MYBPC1: variants seen among roughly 807,000 people sequenced by gnomAD.
MYBPC1 encodes myosin binding protein C1.
Under a neutral mutation model 147.1 loss-of-function variants are expected in MYBPC1, and 52 were observed. That is an observed-to-expected ratio of 0.35 (90% CI 0.28 to 0.45). The LOEUF is 0.45. Among genes scored for constraint, MYBPC1 ranks in the 20% least tolerant of loss-of-function variants. The pLI is 1.00. For synonymous variants in MYBPC1, 477 were observed against 475.9 expected, an observed-to-expected ratio of 1.00 and a Z score of -0.03; for missense variants, 1,228 against 1,440.3, an observed-to-expected ratio of 0.85 and a Z score of 2.39.
intron 3 of MYBPC1, among the ~76,000 whole-genome samples, chr12:101,620,154 G>A (rs1237893518): frequency 1.3e-5 from 2 of 152,184 alleles, no homozygotes; most frequent in East Asian, 3.9e-4. Flanking sequence ...TGAAACAAGA[G>A]AGATGACAAT....
intron 1 of MYBPC1, among the ~76,000 whole-genome samples, chr12:101,595,368 G>A (rs1474511852): frequency 6.6e-6 from 1 of 152,128 alleles, no homozygotes; most frequent in Non-Finnish European, 1.5e-5. Context: ...AATCCTTAAA[G>A]TGTAATTTAA....
chr12:101,600,532 C>T (rs950479420), intron 1 of MYBPC1: 2 of 152,098 alleles, frequency 1.3e-5, no homozygotes, highest in African/African-American at 2.4e-5. Flanking sequence ...ATACATTCTT[C>T]TTTTCAATTT....
intron 22 of MYBPC1, among the ~76,000 whole-genome samples, chr12:101,667,091 C>T (rs1215897224): frequency 6.6e-6 from 1 of 152,178 alleles, no homozygotes; most frequent in Non-Finnish European, 1.5e-5. Flanking sequence ...CGATGTGATA[C>T]ACAAGCTGCC....
intron 3 of MYBPC1, among the ~76,000 whole-genome samples, chr12:101,618,554 C>A (rs181921612): frequency 2.7e-3 from 412 of 152,312 alleles, no homozygotes; most frequent in Middle Eastern, 6.8e-3. Context: ...CTGCAAGGCT[C>A]AACCAACAGA....
chr12:101,669,595 T>C (rs1898131436), intron 23 of MYBPC1, among the ~76,000 whole-genome samples: 1 of 152,174 alleles, frequency 6.6e-6, no homozygotes, highest in Non-Finnish European at 1.5e-5. Flanking sequence ...GTGGTGCCTA[T>C]AGATCTTTCG....
chr12:101,626,002 C>T (rs1386340320), intron 3 of MYBPC1, among the ~76,000 whole-genome samples: 1 of 148,242 alleles, frequency 6.7e-6, no homozygotes, highest in African/African-American at 2.5e-5. Context: ...GCAGGAGAAT[C>T]GCTTGAACCC....
intron 1 of MYBPC1, among the ~76,000 whole-genome samples, chr12:101,601,544 G>A (rs923111670): frequency 2.6e-5 from 4 of 152,146 alleles, no homozygotes; most frequent in African/African-American, 9.7e-5. Flanking sequence ...TCTATAATGA[G>A]TTCACAAAAA....
At chr12:101,626,704 C>T in intron 3 of MYBPC1, 168 bp from the exon 4 acceptor site, 2 of 670,138 alleles carry the variant, frequency 3.0e-6, no homozygotes, top group East Asian at 5.3e-5. Context: ...CTTTCTTTGC[C>T]TGAAAAACTC....
chr12:101,686,997 T>C (rs1204587547), downstream of MYBPC1, among the ~76,000 whole-genome samples: 1 of 152,194 alleles, frequency 6.6e-6, no homozygotes, highest in Non-Finnish European at 1.5e-5. Context: ...TCCAGAATAA[T>C]ATTGTGTGCA....
At chr12:101,656,580 G>A (rs1309901740) in intron 18 of MYBPC1, among the ~76,000 whole-genome samples, 1 of 152,130 alleles carries the variant, frequency 6.6e-6, no homozygotes, top group African/African-American at 2.4e-5. Flanking sequence ...ACTACAAAGC[G>A]AAGAAATTTA....
intron 3 of MYBPC1, among the ~76,000 whole-genome samples, chr12:101,625,330 T>C (rs1186302946): frequency 1.3e-5 from 2 of 152,218 alleles, no homozygotes; most frequent in Non-Finnish European, 2.9e-5. Context: ...TTAAGGTGTG[T>C]GTAATTTAGA....
At chr12:101,687,174 T>C (rs1951361096), downstream of MYBPC1, among the ~76,000 whole-genome samples, 1 of 152,114 alleles carries the variant, frequency 6.6e-6, no homozygotes, top group South Asian at 2.1e-4. Context: ...GCTGCACCCA[T>C]TAACTCATCA....
chr12:101,679,681 A>AAT (rs1278955316), intron 28 of MYBPC1, among the ~76,000 whole-genome samples: 1 of 152,194 alleles, frequency 6.6e-6, no homozygotes, highest in Non-Finnish European at 1.5e-5. Context: ...TGGGATGATG[A>AAT]ATATAGACAT....
At chr12:101,610,434 G>T (rs529043332) in intron 1 of MYBPC1, among the ~76,000 whole-genome samples, 1 of 152,084 alleles carries the variant, frequency 6.6e-6, no homozygotes, top group South Asian at 2.1e-4. Context: ...ATGCAAACAC[G>T]TTTTAACACA....
At chr12:101,674,294 T>C (rs933032414) in intron 25 of MYBPC1, among the ~76,000 whole-genome samples, 17 of 152,306 alleles carry the variant, frequency 1.1e-4, no homozygotes, top group Non-Finnish European at 2.2e-4. Context: ...ATTCTAGCTA[T>C]AGTTTAACAT....
At chr12:101,626,730 G>A (rs942796891) in intron 3 of MYBPC1, 142 bp from the exon 4 acceptor site, 1 of 750,148 alleles carries the variant, frequency 1.3e-6, no homozygotes, top group Non-Finnish European at 2.4e-6. Flanking sequence ...TCACTTTTCA[G>A]GTACCAAGTT....
intron 10 of MYBPC1, among the ~76,000 whole-genome samples, chr12:101,640,890 G>A (rs912325190): frequency 6.6e-6 from 1 of 152,016 alleles, no homozygotes; most frequent in East Asian, 1.9e-4. Flanking sequence ...CGAGGTGGAC[G>A]GATCACTTGA....
chr12:101,641,486 C>A (rs10778132), intron 10 of MYBPC1, among the ~76,000 whole-genome samples: 4,224 of 152,238 alleles, frequency 0.028, 283 homozygotes, highest in East Asian at 0.26. Flanking sequence ...TTAAATCTTA[C>A]TTAAATCTTA....
chr12:101,605,363 A>C (rs1057472809), intron 1 of MYBPC1, among the ~76,000 whole-genome samples: 3 of 152,218 alleles, frequency 2.0e-5, no homozygotes, highest in Admixed American at 2.0e-4. Context: ...AATAACATGC[A>C]CAAAATCTTT....
Sources: allele counts gnomAD v4.1 joint callset (sites outside exome capture counted in the v4.1 genomes callset), GRCh38; gene constraint gnomAD v4.1.1; transcripts MANE v1.5; gene names NCBI Gene and HGNC (gene_info 2026-07-23, HGNC 2026-07-21).